Variants in ATXN1 observed in about 807,000 individuals in gnomAD.
ATXN1 encodes ataxin-1.
In ATXN1, 8 loss-of-function variants were observed where a neutral mutation model predicts 56.4. That is an observed-to-expected ratio of 0.14 (90% confidence interval 0.08 to 0.26). ATXN1 has a LOEUF of 0.26. Among genes scored for constraint, ATXN1 ranks in the 10% least tolerant of loss-of-function variants. The pLI is 1.00. For synonymous variants in ATXN1, 514 were observed against 494.6 expected (o/e 1.04, Z -0.52); for missense variants, 987 against 1,106.5 (o/e 0.89, Z 1.53).
intron 7 of ATXN1, among the ~76,000 whole-genome samples, chr6:16,323,960 GA>G (rs1307648089): frequency 6.6e-6 from 1 of 151,860 alleles, no homozygotes. Context: ...GATCTTTGGG[GA>G]AATCTTTCTT....
At chr6:16,613,348 T>C (rs1403501660) in intron 3 of ATXN1, among the ~76,000 whole-genome samples, 1 of 150,966 alleles carries the variant, frequency 6.6e-6, no homozygotes, top group Admixed American at 6.6e-5. Context: ...TATTTTTGCA[T>C]ATATTTTAAA....
intron 2 of ATXN1, among the ~76,000 whole-genome samples, chr6:16,725,951 G>A (rs3812221): frequency 0.047 from 7,133 of 152,228 alleles, 412 homozygotes; most frequent in East Asian, 0.32. Context: ...TTCTCTGCCC[G>A]CTTTGCCCCT....
At chr6:16,411,097 C>T (rs1466961920) in intron 6 of ATXN1, among the ~76,000 whole-genome samples, 1 of 138,696 alleles carries the variant, frequency 7.2e-6, no homozygotes, top group Non-Finnish European at 1.5e-5. Context: ...GGCACTCCAG[C>T]CTGGGTGACA....
chr6:16,540,358 C>T (rs961924585), intron 4 of ATXN1, among the ~76,000 whole-genome samples: 3 of 152,084 alleles, frequency 2.0e-5, no homozygotes, highest in Non-Finnish European at 4.4e-5. Context: ...ACTACAGGCG[C>T]GTGCCACCAC....
In ATXN1 at chr6:16,506,314, G is replaced by T. The variant is rs1379745375; in HGVS notation, c.-299+16313C>A. On this transcript the variant is annotated intron_variant, in intron 5 of 7. Coordinates refer to ENST00000436367, the MANE Select transcript of ATXN1 (RefSeq NM_001128164.2). The surrounding 1 kb of genome is among the most constrained non-coding windows in gnomAD (Gnocchi z 4.1). ...AGCAATGAGTCAAATGAAGAAAGTG[G>T]TTTAAGGGAAATGGTCATTTTCTAA... is the stretch of plus-strand genomic sequence containing the variant. 6.6e-6 allele frequency among the ~76,000 whole-genome samples: 1 copy of T among 152,112 alleles called. No homozygotes were observed. Among genetic ancestry groups the T allele is most frequent in the African/African-American group, 2.4e-5 (1 of 41,408 alleles).
intron 2 of ATXN1, among the ~76,000 whole-genome samples, chr6:16,673,112 C>A (rs1406249115): frequency 6.6e-6 from 1 of 152,010 alleles, no homozygotes. Context: ...ATGAGCCTGG[C>A]TGACACTTTG....
chr6:16,552,044 G>C (rs1460831540), intron 4 of ATXN1, among the ~76,000 whole-genome samples: 1 of 152,188 alleles, frequency 6.6e-6, no homozygotes, highest in Non-Finnish European at 1.5e-5. Context: ...TGCATAGGTG[G>C]ATATGTGTCG....
At chr6:16,721,705 T>C (rs904782808) in intron 2 of ATXN1, among the ~76,000 whole-genome samples, 2 of 152,196 alleles carry the variant, frequency 1.3e-5, no homozygotes. Flanking sequence ...AATGGCCATG[T>C]CATGGTTATT....
intron 6 of ATXN1, among the ~76,000 whole-genome samples, chr6:16,411,518 A>G (rs114501007): frequency 0.03 from 4,541 of 152,168 alleles, 239 homozygotes; most frequent in African/African-American, 0.1. Flanking sequence ...TTGATCTGGC[A>G]TTTTGCCCTG....
At chr6:16,756,096 C>T (rs895707843) in intron 1 of ATXN1, among the ~76,000 whole-genome samples, 1 of 151,510 alleles carries the variant, frequency 6.6e-6, no homozygotes, top group Admixed American at 6.6e-5. Flanking sequence ...AAATTATGAG[C>T]GTTATAAAAT....
At chr6:16,513,568 A>G (rs1761122242) in intron 5 of ATXN1, among the ~76,000 whole-genome samples, 1 of 152,148 alleles carries the variant, frequency 6.6e-6, no homozygotes, top group Non-Finnish European at 1.5e-5. Context: ...TTTGCAAGGA[A>G]TCTTACTCAC....
At chr6:16,729,373 A>C (rs1759918249) in intron 2 of ATXN1, among the ~76,000 whole-genome samples, 1 of 152,212 alleles carries the variant, frequency 6.6e-6, no homozygotes. Flanking sequence ...TAAATATATA[A>C]GCGTTCGCTG....
intron 6 of ATXN1, among the ~76,000 whole-genome samples, chr6:16,446,209 T>C (rs991420796): frequency 2.0e-5 from 3 of 151,790 alleles, no homozygotes; most frequent in African/African-American, 7.3e-5. Context: ...TTTTAATGAT[T>C]GCCATTCTAA....
chr6:16,383,983 A>G (rs1305614366), intron 6 of ATXN1, among the ~76,000 whole-genome samples: 2 of 152,198 alleles, frequency 1.3e-5, no homozygotes, highest in Non-Finnish European at 2.9e-5. Context: ...CAAGGTCCAA[A>G]CAGTCATGCC....
At chr6:16,646,611 C>T (rs144770926) in intron 3 of ATXN1, among the ~76,000 whole-genome samples, 3 of 152,378 alleles carry the variant, frequency 2.0e-5, no homozygotes, top group Admixed American at 6.5e-5. Flanking sequence ...CTGCTCTGCA[C>T]TCTCCCTTCT....
chr6:16,670,056 T>C (rs934734119), intron 2 of ATXN1, among the ~76,000 whole-genome samples: 4 of 152,108 alleles, frequency 2.6e-5, no homozygotes, highest in Non-Finnish European at 4.4e-5. Context: ...TCTGGTCACT[T>C]CTGTGGGTCC....
chr6:16,707,012 T>C (rs189369003), intron 2 of ATXN1, among the ~76,000 whole-genome samples: 4 of 152,270 alleles, frequency 2.6e-5, no homozygotes, highest in African/African-American at 4.8e-5. Flanking sequence ...AAATGTCTCA[T>C]TGGCAGCTCA....
chr6:16,528,385 G>T (rs1167539800), intron 4 of ATXN1, among the ~76,000 whole-genome samples: 1 of 152,020 alleles, frequency 6.6e-6, no homozygotes, highest in African/African-American at 2.4e-5. Context: ...ACATGGGAGG[G>T]CCCATAACAT....
chr6:16,579,487 C>G (rs966814473), intron 4 of ATXN1, among the ~76,000 whole-genome samples: 3 of 36,302 alleles, frequency 8.3e-5, no homozygotes, highest in African/African-American at 3.0e-4. Flanking sequence ...AAAGCCCCCC[C>G]CCCCCACCCG....
Sources: gnomAD v4.1 joint callset for allele counts (sites outside exome capture counted in the v4.1 genomes callset) on GRCh38, gnomAD v4.1.1 for gene constraint, Gnocchi (gnomAD v3.1) non-coding constraint, MANE v1.5 for transcripts, NCBI Gene and HGNC (gene_info 2026-07-23, HGNC 2026-07-21) for gene names.